CHMP4B: variants seen among roughly 807,000 people sequenced by gnomAD.
CHMP4B encodes the protein SNF7 homolog associated with Alix 1.
A neutral mutation model predicts 25.1 loss-of-function variants in CHMP4B; 1 was observed. The ratio of observed to expected loss-of-function variants is 0.04; its 90% CI spans 0.01 to 0.19. The LOEUF (loss-of-function observed/expected upper bound fraction) is 0.19. Ranked by LOEUF, CHMP4B falls within the 10% of genes least tolerant of loss-of-function variation. The pLI, the probability that CHMP4B is intolerant of heterozygous loss-of-function variation, is 1.00. For missense variants in CHMP4B, 151 were observed against 289.7 expected, an observed-to-expected ratio of 0.52 and a Z score of 3.48; for synonymous variants, 101 against 115.6, an observed-to-expected ratio of 0.87 and a Z score of 0.81.
chr20:33,811,693 G>C, intron 1 of CHMP4B, 35 bp downstream of exon 1: 1 of 1,601,636 alleles, frequency 6.2e-7, no homozygotes, highest in Admixed American at 1.7e-5. Context: ...CTTGCCACGG[G>C]CTCCCCCCAG....
intron 1 of CHMP4B, among the ~76,000 whole-genome samples, chr20:33,843,656 T>C (rs545837406): frequency 6.6e-6 from 1 of 152,330 alleles, no homozygotes; most frequent in South Asian, 2.1e-4. Context: ...AGAAATAAGG[T>C]TGGCATGGAG....
chr20:33,811,715 C>T, intron 1 of CHMP4B, 57 bp downstream of exon 1: 1 of 1,540,846 alleles, frequency 6.5e-7, no homozygotes, highest in Non-Finnish European at 8.9e-7. Context: ...CTCCCCGGGC[C>T]CGGACTTCAC....
At chr20:33,833,383 G>T (rs550515110) in intron 1 of CHMP4B, among the ~76,000 whole-genome samples, 2 of 152,182 alleles carry the variant, frequency 1.3e-5, no homozygotes, top group South Asian at 4.1e-4. Context: ...GGTGATACAG[G>T]CCCATGGTCT....
At chr20:33,851,704 T>G (rs1979855090) in intron 3 of CHMP4B, among the ~76,000 whole-genome samples, 1 of 152,178 alleles carries the variant, frequency 6.6e-6, no homozygotes, top group Non-Finnish European at 1.5e-5. Flanking sequence ...ACCAGGGTTT[T>G]CATGTTTTCA....
intron 1 of CHMP4B, among the ~76,000 whole-genome samples, chr20:33,814,030 C>T (rs1360763565): frequency 6.6e-6 from 1 of 152,214 alleles, no homozygotes; most frequent in African/African-American, 2.4e-5. Flanking sequence ...CGCACCCAGC[C>T]GTTTCTGCAG....
chr20:33,817,546 C>T (rs182486087), intron 1 of CHMP4B, among the ~76,000 whole-genome samples: 3 of 151,150 alleles, frequency 2.0e-5, no homozygotes, highest in East Asian at 2.0e-4. Context: ...GGAGAGCATC[C>T]TATGAAGATG....
At chr20:33,849,071 A>G (rs1259536917) in intron 2 of CHMP4B, among the ~76,000 whole-genome samples, 1 of 152,130 alleles carries the variant, frequency 6.6e-6, no homozygotes, top group Non-Finnish European at 1.5e-5. Context: ...TGGTTCATCC[A>G]AGAGCTTTGG....
chr20:33,852,318 CTG>C, intron 4 of CHMP4B, 115 bp downstream of exon 4: 2 of 1,272,204 alleles, frequency 1.6e-6, no homozygotes, highest in Non-Finnish European at 2.3e-6. Context: ...TGGCTTTGGT[CTG>C]TGTCCTGAGC....
intron 1 of CHMP4B, among the ~76,000 whole-genome samples, chr20:33,847,252 T>C (rs1979711850): frequency 6.6e-6 from 1 of 152,088 alleles, no homozygotes; most frequent in African/African-American, 2.4e-5. Context: ...GCACAGATAC[T>C]TTTAGTAATG....
At chr20:33,846,971 T>C (rs761658168) in intron 1 of CHMP4B, among the ~76,000 whole-genome samples, 28 of 152,198 alleles carry the variant, frequency 1.8e-4, no homozygotes, top group Admixed American at 1.3e-4. Flanking sequence ...TGAATTGATA[T>C]AAGACAGATT....
At chr20:33,827,678 C>T (rs1462628379) in intron 1 of CHMP4B, among the ~76,000 whole-genome samples, 1 of 152,220 alleles carries the variant, frequency 6.6e-6, no homozygotes, top group African/African-American at 2.4e-5. Context: ...TTACTGCCAG[C>T]CTTTTGGCAA....
At chr20:33,826,671 CTTGT>C (rs768316298) in intron 1 of CHMP4B, among the ~76,000 whole-genome samples, 8 of 152,162 alleles carry the variant, frequency 5.3e-5, no homozygotes, top group Non-Finnish European at 1.0e-4. Flanking sequence ...TACCCTTTCT[CTTGT>C]TTGTTCTCCC....
chr20:33,814,283 T>A (rs1978722188), intron 1 of CHMP4B, among the ~76,000 whole-genome samples: 1 of 152,222 alleles, frequency 6.6e-6, no homozygotes, highest in South Asian at 2.1e-4. Context: ...GCCACTATGC[T>A]GGGACCTTGA....
intron 2 of CHMP4B, among the ~76,000 whole-genome samples, chr20:33,850,617 TTGGAC>T (rs1399861620): frequency 6.6e-6 from 1 of 152,218 alleles, no homozygotes; most frequent in East Asian, 1.9e-4. Context: ...AGAGTTACCC[TTGGAC>T]TTGAAAAAGA....
chr20:33,811,529 A>T lies in CHMP4B; in HGVS notation c.61A>T (p.Thr21Ser). Residue 21 changes from threonine (T) to serine (S), a missense_variant, in exon 1 of 5, where the codon ACC (threonine) becomes TCC (serine). Coordinates refer to ENST00000217402, the MANE Select transcript of CHMP4B (RefSeq NM_176812.5). ...GGGTAAGGCCGGCAAGGGCGGCCCG[A>T]CCCCCCAGGAGGCCATCCAGCGGCT... ...GGGKAGKGGP[T>S]PQEAIQRLRD... is the part of the protein sequence containing the mutation. 6.2e-7 allele frequency: 1 copy of T among 1,608,820 alleles called. No individual in the cohort carries two copies. Among genetic ancestry groups the T allele is most frequent in the Non-Finnish European group, 8.5e-7 (1 of 1,177,792 alleles).
chr20:33,854,248 A>G lies in CHMP4B; in HGVS notation c.*688A>G, dbSNP rs1453981050. The G allele has an allele frequency of 6.5e-6, 1 of 153,848 alleles. No homozygotes were observed. Among genetic ancestry groups the G allele is most frequent in the Non-Finnish European group, 1.5e-5 (1 of 68,918 alleles). The allele number at this position is 153,848 out of a possible 1,614,324, so 9.5% of individuals were successfully genotyped here. A position where few individuals can be genotyped will look rare whatever the true frequency, so the allele number is the denominator to read the frequency against. ...CTATACAGTTTTCTAACATAGCTAT[A>G]AGGTCCTTGTTGCTGTTTGTGATAA... On this transcript the variant is annotated 3_prime_UTR_variant, in exon 5 of 5. Transcript: ENST00000217402.
intron 4 of CHMP4B, among the ~76,000 whole-genome samples, chr20:33,853,062 C>G (rs939781859): frequency 6.6e-6 from 1 of 152,154 alleles, no homozygotes; most frequent in African/African-American, 2.4e-5. Flanking sequence ...AGTCAGCTGC[C>G]TAGAGTCCTG....
intron 1 of CHMP4B, among the ~76,000 whole-genome samples, chr20:33,827,390 G>C (rs1200604867): frequency 6.6e-6 from 1 of 152,228 alleles, no homozygotes; most frequent in Non-Finnish European, 1.5e-5. Flanking sequence ...GCTCCAAGCA[G>C]TTTCACTGCA....
intron 1 of CHMP4B, among the ~76,000 whole-genome samples, chr20:33,836,759 C>A (rs1979403253): frequency 6.6e-6 from 1 of 152,160 alleles, no homozygotes; most frequent in African/African-American, 2.4e-5. Flanking sequence ...CTGGGCTCTG[C>A]CTGGGTTTTC....
Sources: allele counts gnomAD v4.1 joint callset (sites outside exome capture counted in the v4.1 genomes callset), GRCh38; gene constraint gnomAD v4.1.1; transcripts MANE v1.5; gene names NCBI Gene and HGNC (gene_info 2026-07-23, HGNC 2026-07-21).